Variants in FHIT observed in about 807,000 individuals in gnomAD.
The protein encoded by FHIT is fragile histidine triad diadenosine triphosphatase, also known as bis(5'-adenosyl)-triphosphatase.
Under a neutral mutation model 17.9 loss-of-function variants are expected in FHIT, and 19 were observed. That is an observed-to-expected ratio of 1.06 (90% CI 0.74 to 1.56). The LOEUF (loss-of-function observed/expected upper bound fraction) is 1.56, where lower values mean the gene tolerates loss of function less well. Among genes scored for constraint, FHIT ranks in the 40% most tolerant of loss-of-function variants. FHIT has a pLI of 0.00. For synonymous variants in FHIT, 81 were observed against 69.7 expected (o/e 1.16, Z -0.81); for missense variants, 248 against 189.2 (o/e 1.31, Z -1.82).
chr3:60,119,602 A>G (rs9815054), intron 5 of FHIT, among the ~76,000 whole-genome samples: 72,333 of 151,906 alleles, frequency 0.48, 17,669 homozygotes, highest in African/African-American at 0.53. Context: ...TTGTCCCTGT[A>G]TGGGTACTGT....
intron 7 of FHIT, among the ~76,000 whole-genome samples, chr3:59,933,175 T>A (rs1706059235): frequency 6.6e-6 from 1 of 152,174 alleles, no homozygotes; most frequent in South Asian, 2.1e-4. Flanking sequence ...AGGCTTTGCA[T>A]CTAGAGAAAT....
intron 5 of FHIT, among the ~76,000 whole-genome samples, chr3:60,149,349 T>A (rs1198076899): frequency 1.3e-5 from 2 of 152,102 alleles, no homozygotes; most frequent in African/African-American, 4.8e-5. Context: ...ATGCTTTTTT[T>A]TTTTTCAGGA....
chr3:59,812,591 G>T (rs1700447006), intron 8 of FHIT, among the ~76,000 whole-genome samples: 2 of 152,114 alleles, frequency 1.3e-5, no homozygotes, highest in African/African-American at 4.8e-5. Context: ...GCTTCCTGTG[G>T]GAATTTGACA....
intron 5 of FHIT, among the ~76,000 whole-genome samples, chr3:60,275,230 G>GA (rs67928408): frequency 0.14 from 17,825 of 130,964 alleles, 1,057 homozygotes; most frequent in Middle Eastern, 0.21. Flanking sequence ...TGGAAGAAAA[G>GA]AAAAAAAAAA....
At chr3:60,354,175 C>T (rs1479424570) in intron 5 of FHIT, among the ~76,000 whole-genome samples, 1 of 151,852 alleles carries the variant, frequency 6.6e-6, no homozygotes, top group African/African-American at 2.4e-5. Context: ...AAAATGGCAC[C>T]AAAATTGTTT....
intron 8 of FHIT, among the ~76,000 whole-genome samples, chr3:59,905,112 C>A (rs752971764): frequency 1.7e-4 from 26 of 152,208 alleles, no homozygotes; most frequent in Non-Finnish European, 2.5e-4. Context: ...TGGGGACCCA[C>A]CCCTATCTGC....
At chr3:60,659,385 T>C (rs1157361906) in intron 4 of FHIT, among the ~76,000 whole-genome samples, 2 of 152,142 alleles carry the variant, frequency 1.3e-5, no homozygotes, top group African/African-American at 4.8e-5. Context: ...CTCTCTCTTC[T>C]TAAGCTTCTG....
intron 3 of FHIT, among the ~76,000 whole-genome samples, chr3:60,877,621 T>C (rs1243425997): frequency 1.3e-5 from 2 of 152,120 alleles, no homozygotes; most frequent in African/African-American, 4.8e-5. Context: ...AGTTAAAGTG[T>C]CACATTGCCC....
chr3:59,838,130 C>T (rs1053585129), intron 8 of FHIT, among the ~76,000 whole-genome samples: 1 of 152,122 alleles, frequency 6.6e-6, no homozygotes, highest in Non-Finnish European at 1.5e-5. Flanking sequence ...AAAGCCTCCA[C>T]CCCTCTAGCC....
intron 6 of FHIT, among the ~76,000 whole-genome samples, chr3:60,013,403 G>C (rs1049501899): frequency 6.6e-6 from 1 of 152,104 alleles, no homozygotes; most frequent in Non-Finnish European, 1.5e-5. Flanking sequence ...ATGTTACTAC[G>C]GATTTACTCA....
chr3:60,441,791 T>TACACACAC (rs1559916361), intron 5 of FHIT, among the ~76,000 whole-genome samples: 1 of 116,850 alleles, frequency 8.6e-6, no homozygotes, highest in Non-Finnish European at 1.7e-5. Flanking sequence ...AAAATATATA[T>TACACACAC]ATATATATAT....
In FHIT at chr3:61,130,908, A is replaced by G. The variant is rs573946248; in HGVS notation, c.-164+69709T>C. On this transcript the variant is annotated intron_variant, in intron 2 of 9. Transcript: ENST00000492590. ...TTTGGGTTTCATGATTCTCATTATT[A>G]AAATAAAATAATGATCCTAGGCCTG... Among the ~76,000 whole-genome samples, 56 of 152,344 alleles carry G rather than the reference A, an allele frequency of 3.7e-4. No individual in the cohort carries two copies. The East Asian group carries it at 0.01, about 28-fold the overall frequency.
intron 4 of FHIT, among the ~76,000 whole-genome samples, chr3:60,543,163 A>T (rs1254739703): frequency 6.6e-6 from 1 of 152,108 alleles, no homozygotes; most frequent in African/African-American, 2.4e-5. Flanking sequence ...CAATTACTCA[A>T]CTTTGTCATG....
At position 60,348,752 on chromosome 3, in the gene FHIT, G is replaced by A. The variant is rs377386041; in HGVS notation, c.103+188108C>T. Among the ~76,000 whole-genome samples, 208 of 152,300 alleles carry A rather than the reference G, an allele frequency of 1.4e-3. No homozygotes were observed. The South Asian group carries it at 0.022, about 16-fold the overall frequency. ...CCATGTAACTTGACTTGGCCAATGT[G>A]ATATCAGCAAATGGACTTGGAAAGA... On this transcript the variant is annotated intron_variant, in intron 5 of 9. Coordinates refer to ENST00000492590, the MANE Select transcript of FHIT (RefSeq NM_002012.4).
intron 5 of FHIT, among the ~76,000 whole-genome samples, chr3:60,482,150 A>G (rs2033635702): frequency 6.6e-6 from 1 of 152,228 alleles, no homozygotes; most frequent in Non-Finnish European, 1.5e-5. Flanking sequence ...TATGCAACCA[A>G]TACAGAAGCA....
intron 2 of FHIT, among the ~76,000 whole-genome samples, chr3:61,145,643 T>G (rs2037206334): frequency 6.6e-6 from 1 of 152,072 alleles, no homozygotes; most frequent in African/African-American, 2.4e-5. Context: ...AATGTTAAGT[T>G]TTCTGATCCA....
intron 4 of FHIT, among the ~76,000 whole-genome samples, chr3:60,638,630 G>A (rs987608839): frequency 6.6e-6 from 1 of 152,078 alleles, no homozygotes; most frequent in Non-Finnish European, 1.5e-5. Flanking sequence ...CCACTGTGGA[G>A]CAAAGTTCAG....
intron 7 of FHIT, among the ~76,000 whole-genome samples, chr3:59,966,669 G>A (rs1449289785): frequency 2.0e-5 from 3 of 152,232 alleles, no homozygotes; most frequent in African/African-American, 7.2e-5. Context: ...TAAAACTATG[G>A]TATAAAAGAT....
At chr3:60,530,067 C>T (rs1178269668) in intron 5 of FHIT, among the ~76,000 whole-genome samples, 1 of 152,098 alleles carries the variant, frequency 6.6e-6, no homozygotes, top group Non-Finnish European at 1.5e-5. Context: ...TCAGGTCAGG[C>T]CAGCCCACCC....
Sources: gnomAD v4.1 joint callset for allele counts (sites outside exome capture counted in the v4.1 genomes callset) on GRCh38, gnomAD v4.1.1 for gene constraint, MANE v1.5 for transcripts, NCBI Gene and HGNC (gene_info 2026-07-23, HGNC 2026-07-21) for gene names.